Variants in LRRC9 observed in about 807,000 individuals in gnomAD.
LRRC9 encodes leucine rich repeat containing 9.
Under a neutral mutation model 63.2 loss-of-function variants are expected in LRRC9, and 122 were observed. The ratio of observed to expected loss-of-function variants is 1.93; its 90% CI spans 1.67 to 2.24. The LOEUF is 2.24. Ranked by LOEUF, LRRC9 falls within the 30% of genes most tolerant of loss-of-function variation. LRRC9 has a pLI of 0.00. For missense variants in LRRC9, 1,071 were observed against 627.7 expected (o/e 1.71, Z -7.55); for synonymous variants, 366 against 213.1 (o/e 1.72, Z -6.25).
chr14:59,996,521 A>AT (rs1221561765), intron 17 of LRRC9, among the ~76,000 whole-genome samples: 1 of 152,154 alleles, frequency 6.6e-6, no homozygotes, highest in East Asian at 1.9e-4. Flanking sequence ...AGTCTTAGAG[A>AT]TTTTTTACAA....
Position 60,027,775 on chromosome 14 carries a change from T to C in LRRC9, c.3704-109T>C, listed in dbSNP as rs926026574. On this transcript the variant is annotated intron_variant, in intron 27 of 31. Coordinates refer to ENST00000445360, the Ensembl canonical transcript of LRRC9. The surrounding 1 kb of genome is among the most constrained non-coding windows in gnomAD (Gnocchi z 4.0). Reference sequence around the variant, plus strand: ...TTGGAAATAAGTTTCTTGAATCCTTTACTTCTTTTGACAAATCATCTGATT... The same window carrying C: ...TTGGAAATAAGTTTCTTGAATCCTTCACTTCTTTTGACAAATCATCTGATT... 1.9e-5 allele frequency: 10 copies of C among 535,330 alleles called. No individual in the cohort carries two copies. The highest frequency in any genetic ancestry group is 3.3e-5 in the Non-Finnish European group (10 of 303,904). 33.2% of individuals were successfully genotyped at this position (535,330 alleles called of 1,614,324 possible).
chr14:59,957,686 C>T (rs572658586), intron 8 of LRRC9, among the ~76,000 whole-genome samples: 10 of 152,126 alleles, frequency 6.6e-5, no homozygotes, highest in Middle Eastern at 3.4e-3. Flanking sequence ...AGAGGAGTTG[C>T]GATCATTTGG....
intron 26 of LRRC9, among the ~76,000 whole-genome samples, chr14:60,021,058 GA>G (rs1243529014): frequency 6.6e-6 from 1 of 151,854 alleles, no homozygotes; most frequent in Non-Finnish European, 1.5e-5. Flanking sequence ...AGCTATTTAA[GA>G]AACCGCTAAA....
rs995671307 is a variant in LRRC9, at chr14:60,019,709, A to C, written c.3566+449A>C. Among the ~76,000 whole-genome samples, 74 of 150,426 alleles carry C rather than the reference A, an allele frequency of 4.9e-4. 1 individual carries two copies. Among genetic ancestry groups the C allele is most frequent in the Admixed American group, 7.5e-4 (11 of 14,702 alleles). ...TAGCATGGACGTGGGCTTTTTTTTC[A>C]GCATTTGTTTTGCTTTTATTTCTAA... On this transcript the variant is annotated intron_variant, in intron 26 of 31. Coordinates refer to ENST00000445360, the Ensembl canonical transcript of LRRC9.
At chr14:59,944,874 A>G (rs1000580956) in intron 8 of LRRC9, 130 bp downstream of exon 8, 14 of 432,718 alleles carry the variant, frequency 3.2e-5, no homozygotes, top group Non-Finnish European at 5.7e-5. Flanking sequence ...ACTCACACAC[A>G]CACACACACA....
At chr14:59,963,304 T>A (rs1226064030) in intron 10 of LRRC9, among the ~76,000 whole-genome samples, 1 of 152,194 alleles carries the variant, frequency 6.6e-6, no homozygotes, top group Non-Finnish European at 1.5e-5. Flanking sequence ...TACAAAAATC[T>A]TATTTTATAG....
intron 29 of LRRC9, among the ~76,000 whole-genome samples, chr14:60,045,598 A>G (rs762251625): frequency 3.9e-5 from 6 of 152,208 alleles, no homozygotes; most frequent in Non-Finnish European, 7.3e-5. Flanking sequence ...TGCAAAGGAC[A>G]TGATCTCATT....
chr14:60,004,325 G>A lies in LRRC9; in HGVS notation c.2842+527G>A, dbSNP rs1048225037. 6.6e-6 allele frequency among the ~76,000 whole-genome samples: 1 copy of A among 151,980 alleles called. No homozygotes were observed. Among genetic ancestry groups the A allele is most frequent in the Non-Finnish European group, 1.5e-5 (1 of 67,956 alleles). On this transcript the variant is annotated intron_variant, in intron 21 of 31. Coordinates refer to ENST00000445360, the Ensembl canonical transcript of LRRC9. This position sits in a 1 kb window ranked among gnomAD's most constrained non-coding sequence, Gnocchi z 4.8. Reference sequence around the variant, plus strand: ...AGTTCTGTTTTGAAAATATAAAATTGAGGTTATATTTGGAAATTTGAATAC... The same window carrying A: ...AGTTCTGTTTTGAAAATATAAAATTAAGGTTATATTTGGAAATTTGAATAC...
At position 59,932,430 on chromosome 14, in the gene LRRC9, C is replaced by T. The variant is rs921717349; in HGVS notation, c.543+391C>T. On this transcript the variant is annotated intron_variant, in intron 6 of 31. Transcript: ENST00000445360. The surrounding 1 kb of genome is among the most constrained non-coding windows in gnomAD (Gnocchi z 4.7). ...CATCATGCCTTAAGACTTTAAATAC[C>T]GTTTATCTACCCTTTAAACTAGTAC... Among the ~76,000 whole-genome samples the T allele has an allele frequency of 3.9e-5, 6 of 152,038 alleles. No individual in the cohort carries two copies. The highest frequency in any genetic ancestry group is 2.1e-4 in the South Asian group (1 of 4,830).
intron 6 of LRRC9, among the ~76,000 whole-genome samples, chr14:59,935,774 A>G (rs1036683985): frequency 2.0e-5 from 3 of 152,230 alleles, no homozygotes; most frequent in African/African-American, 7.2e-5. Flanking sequence ...AAGTTAGAGC[A>G]TGTGTGGAGG....
Position 60,053,313 on chromosome 14 carries a change from G to T in LRRC9, c.4131+108G>T. 1.8e-6 allele frequency: 1 copy of T among 554,420 alleles called. No homozygotes were observed. Among genetic ancestry groups the T allele is most frequent in the African/African-American group, 1.9e-5 (1 of 51,928 alleles). 34.3% of individuals were successfully genotyped at this position (554,420 alleles called of 1,614,324 possible). On this transcript the variant is annotated intron_variant, in intron 30 of 31. Coordinates refer to ENST00000445360, the Ensembl canonical transcript of LRRC9. The surrounding 1 kb of genome is among the most constrained non-coding windows in gnomAD (Gnocchi z 4.8). ...TTTAAACCTATGGCGTTTTTGATAA[G>T]GATGATCTTAGTATCTATTTAGTGA...
At position 60,042,464 on chromosome 14, in the gene LRRC9, C is replaced by G. The variant is rs1046120963; in HGVS notation, c.3990+10401C>G. Reference sequence around the variant, plus strand: ...CTCAGCAATGGCGGATGCCCCTCCCCTAGCCTCGCTGCTGCCTTGCAGTTC... The same window carrying G: ...CTCAGCAATGGCGGATGCCCCTCCCGTAGCCTCGCTGCTGCCTTGCAGTTC... On this transcript the variant is annotated intron_variant, in intron 29 of 31. Transcript: ENST00000445360. This position sits in a 1 kb window ranked among gnomAD's most constrained non-coding sequence, Gnocchi z 4.2. Among the ~76,000 whole-genome samples the G allele has an allele frequency of 2.0e-5, 3 of 152,254 alleles. No homozygotes were observed. Among genetic ancestry groups the G allele is most frequent in the African/African-American group, 7.2e-5 (3 of 41,478 alleles).
Position 60,003,698 on chromosome 14 carries a change from A to T in LRRC9, c.2742A>T (p.Ala914=), listed in dbSNP as rs1283204269. 2 of 696,854 alleles carry T rather than the reference A, an allele frequency of 2.9e-6. No individual in the cohort carries two copies. Among genetic ancestry groups the T allele is most frequent in the Non-Finnish European group, 2.6e-6 (1 of 383,194 alleles). The allele number at this position is 696,854 out of a possible 1,614,324, so 43.2% of individuals were successfully genotyped here. Residue 914 remains alanine, a synonymous_variant, in exon 21 of 32, where the codon GCA becomes GCT. Coordinates refer to ENST00000445360, the Ensembl canonical transcript of LRRC9. The surrounding 1 kb of genome is among the most constrained non-coding windows in gnomAD (Gnocchi z 4.2). ...AAAAATTGGAAAATTTGAAATGGGC[A>T]TCATTCAGCAATAATAATCTCACTA... is the stretch of plus-strand genomic sequence containing the variant.
At chr14:59,939,036 CATATATACATATATACACAT>C (rs1881440289) in intron 7 of LRRC9, among the ~76,000 whole-genome samples, 1 of 145,890 alleles carries the variant, frequency 6.9e-6, no homozygotes, top group Admixed American at 6.9e-5. Context: ...CATATATACA[CATATATACATATATACACAT>C]ATATATACGT....
intron 8 of LRRC9, among the ~76,000 whole-genome samples, chr14:59,955,008 G>A (rs2139933528): frequency 6.6e-6 from 1 of 152,246 alleles, no homozygotes; most frequent in South Asian, 2.1e-4. Flanking sequence ...TGATCGTGGT[G>A]GATAAACTTT....
intron 21 of LRRC9, among the ~76,000 whole-genome samples, chr14:60,005,490 AG>A (rs1452679386): frequency 3.3e-5 from 5 of 152,090 alleles, no homozygotes; most frequent in African/African-American, 4.8e-5. Flanking sequence ...AAACTTTAAC[AG>A]GAATTTCTCC....
intron 22 of LRRC9, among the ~76,000 whole-genome samples, chr14:60,007,279 C>CAATTGAT (rs1441670470): frequency 6.6e-6 from 1 of 152,146 alleles, no homozygotes; most frequent in Non-Finnish European, 1.5e-5. Context: ...ACTTCTAGAG[C>CAATTGAT]TAGGGAGGCA....
chr14:59,944,935 C>G (rs914885807), intron 8 of LRRC9, among the ~76,000 whole-genome samples, 191 bp downstream of exon 8: 3 of 151,612 alleles, frequency 2.0e-5, no homozygotes, highest in Non-Finnish European at 3.0e-5. Context: ...CAAAAAAGTT[C>G]TGATTCCAGG....
rs1020446946 is a variant in LRRC9, at chr14:59,962,637, A to C, written c.1211+1592A>C. ...AGGCTGGTCTCAAACTCCTGGCCTCAAGTGATCTTCCCACCTCGGCCTCCC... is the reference window on the plus strand; with the variant it reads ...AGGCTGGTCTCAAACTCCTGGCCTCCAGTGATCTTCCCACCTCGGCCTCCC... On this transcript the variant is annotated intron_variant, in intron 10 of 31. Coordinates refer to ENST00000445360, the Ensembl canonical transcript of LRRC9. This position sits in a 1 kb window ranked among gnomAD's most constrained non-coding sequence, Gnocchi z 5.1. Among the ~76,000 whole-genome samples the C allele has an allele frequency of 2.6e-5, 4 of 152,164 alleles. No individual in the cohort carries two copies. Among genetic ancestry groups the C allele is most frequent in the African/African-American group, 9.7e-5 (4 of 41,434 alleles).
Sources: allele counts gnomAD v4.1 joint callset (sites outside exome capture counted in the v4.1 genomes callset), GRCh38; gene constraint gnomAD v4.1.1; non-coding constraint Gnocchi (gnomAD v3.1); transcripts MANE v1.5; gene names NCBI Gene and HGNC (gene_info 2026-07-23, HGNC 2026-07-21).